CRIM1: variants seen among roughly 807,000 people sequenced by gnomAD.
CRIM1 encodes the protein cysteine-rich motor neuron 1 protein.
In CRIM1, 32 loss-of-function variants were observed where a neutral mutation model predicts 116.4. The ratio of observed to expected loss-of-function variants is 0.27; its 90% CI spans 0.21 to 0.37. The LOEUF (loss-of-function observed/expected upper bound fraction) is 0.37, where lower values mean the gene tolerates loss of function less well. Among genes scored for constraint, CRIM1 ranks in the 10% least tolerant of loss-of-function variants. The pLI, the probability that CRIM1 is intolerant of heterozygous loss-of-function variation, is 1.00. For missense variants in CRIM1, 1,331 were observed against 1,354.8 expected, an observed-to-expected ratio of 0.98 and a Z score of 0.28; for synonymous variants, 590 against 509.2, an observed-to-expected ratio of 1.16 and a Z score of -2.13.
chr2:36,379,113 A>AT (rs1400537215), intron 1 of CRIM1: 1 of 152,162 alleles, frequency 6.6e-6, no homozygotes, highest in Non-Finnish European at 1.5e-5. Context: ...CATTGTACAA[A>AT]TTTTAATAAC....
chr2:36,502,055 T>C (rs1681038399), intron 8 of CRIM1, among the ~76,000 whole-genome samples: 2 of 152,334 alleles, frequency 1.3e-5, no homozygotes, highest in Middle Eastern at 3.4e-3. Context: ...TATATATTAA[T>C]ACATTTTTTC....
At chr2:36,366,318 C>G (rs1196419044) in intron 1 of CRIM1, among the ~76,000 whole-genome samples, 3 of 151,982 alleles carry the variant, frequency 2.0e-5, no homozygotes, top group Admixed American at 6.5e-5. Context: ...TGCTGGTATT[C>G]GGACATGTAA....
intron 1 of CRIM1, among the ~76,000 whole-genome samples, chr2:36,388,269 A>G (rs935327647): frequency 1.3e-5 from 2 of 152,198 alleles, no homozygotes; most frequent in Non-Finnish European, 2.9e-5. Context: ...GATACTGGAA[A>G]GGTCCTGGAA....
intron 2 of CRIM1, among the ~76,000 whole-genome samples, chr2:36,411,914 A>G (rs1328694175): frequency 1.3e-5 from 2 of 152,204 alleles, no homozygotes; most frequent in African/African-American, 2.4e-5. Context: ...ATATTATTCA[A>G]ACTGCTTCCA....
chr2:36,501,555 C>A (rs1312888387), intron 8 of CRIM1, among the ~76,000 whole-genome samples: 1 of 150,102 alleles, frequency 6.7e-6, no homozygotes, highest in Non-Finnish European at 1.5e-5. Flanking sequence ...CCCATCTCTA[C>A]AAAAAAAAAT....
chr2:36,534,762 A>ATATAC (rs1666416716), intron 13 of CRIM1, among the ~76,000 whole-genome samples: 1 of 151,982 alleles, frequency 6.6e-6, no homozygotes, highest in Non-Finnish European at 1.5e-5. Flanking sequence ...AAAAAAAAGA[A>ATATAC]TATAGACAGT....
intron 8 of CRIM1, among the ~76,000 whole-genome samples, chr2:36,501,064 A>G (rs1376958616): frequency 6.6e-6 from 1 of 152,206 alleles, no homozygotes; most frequent in African/African-American, 2.4e-5. Flanking sequence ...ATGTCAATTT[A>G]TGTAGTTTTT....
chr2:36,533,425 C>CA (rs35978594), intron 13 of CRIM1, among the ~76,000 whole-genome samples: 4,229 of 99,290 alleles, frequency 0.043, 93 homozygotes, highest in Middle Eastern at 0.054. Context: ...CCCATCTCCA[C>CA]AAAAAAAAAA....
intron 14 of CRIM1, among the ~76,000 whole-genome samples, chr2:36,541,856 G>C (rs779292028): frequency 6.6e-6 from 1 of 152,166 alleles, no homozygotes; most frequent in African/African-American, 2.4e-5. Flanking sequence ...TTAGAGTCTT[G>C]GGTTGAAGGC....
intron 2 of CRIM1, among the ~76,000 whole-genome samples, chr2:36,425,607 G>T (rs923666728): frequency 6.6e-6 from 1 of 152,148 alleles, no homozygotes; most frequent in African/African-American, 2.4e-5. Flanking sequence ...AGATTCCAGA[G>T]TGCCCTTGTA....
chr2:36,374,709 T>C (rs905390409), intron 1 of CRIM1, among the ~76,000 whole-genome samples: 3 of 152,142 alleles, frequency 2.0e-5, no homozygotes, highest in African/African-American at 7.2e-5. Context: ...GAAAATCCTA[T>C]GTAGTCGTAA....
intron 5 of CRIM1, 78 bp from the exon 6 acceptor site, chr2:36,476,811 G>C: frequency 8.3e-7 from 1 of 1,202,900 alleles, no homozygotes; most frequent in African/African-American, 1.5e-5. Context: ...AAATTTTCTA[G>C]AGGCTGTTTG....
intron 1 of CRIM1, among the ~76,000 whole-genome samples, chr2:36,391,891 C>T (rs1397600794): frequency 6.6e-6 from 1 of 151,576 alleles, no homozygotes; most frequent in Admixed American, 6.6e-5. Context: ...CTGTATTCAC[C>T]GTGTACTTTC....
chr2:36,371,799 T>C (rs1353947605), intron 1 of CRIM1, among the ~76,000 whole-genome samples: 21 of 152,234 alleles, frequency 1.4e-4, no homozygotes, highest in Admixed American at 1.2e-3. Context: ...GCTTGTAACC[T>C]TCTCTTGACT....
intron 4 of CRIM1, among the ~76,000 whole-genome samples, chr2:36,458,398 G>A (rs1294360919): frequency 6.6e-6 from 1 of 152,156 alleles, no homozygotes; most frequent in Non-Finnish European, 1.5e-5. Context: ...GGAATCTCCT[G>A]TAGGTTATCT....
intron 2 of CRIM1, among the ~76,000 whole-genome samples, chr2:36,421,848 T>C (rs776758278): frequency 2.0e-5 from 3 of 152,312 alleles, no homozygotes; most frequent in Non-Finnish European, 2.9e-5. Context: ...TTGCCTTCAG[T>C]GTTTGCAGCA....
intron 1 of CRIM1, among the ~76,000 whole-genome samples, chr2:36,389,021 G>T (rs997268218): frequency 6.6e-6 from 1 of 152,148 alleles, no homozygotes; most frequent in African/African-American, 2.4e-5. Context: ...ACAAATATTT[G>T]TGTCCACACT....
chr2:36,461,364 G>A (rs1677567361), intron 4 of CRIM1, among the ~76,000 whole-genome samples: 2 of 152,150 alleles, frequency 1.3e-5, no homozygotes, highest in Admixed American at 1.3e-4. Context: ...GATAAAGGGA[G>A]GGAAAGATTA....
At chr2:36,420,910 G>A (rs924119275) in intron 2 of CRIM1, among the ~76,000 whole-genome samples, 1 of 152,174 alleles carries the variant, frequency 6.6e-6, no homozygotes, top group Non-Finnish European at 1.5e-5. Flanking sequence ...TAGGAAGCTA[G>A]TACAACCTTC....
Sources: gnomAD v4.1 joint callset for allele counts (sites outside exome capture counted in the v4.1 genomes callset) on GRCh38, gnomAD v4.1.1 for gene constraint, MANE v1.5 for transcripts, NCBI Gene and HGNC (gene_info 2026-07-23, HGNC 2026-07-21) for gene names.